SH3TC1: variants seen among roughly 807,000 people sequenced by gnomAD.
SH3TC1 encodes SH3 domain and tetratricopeptide repeat-containing protein 1.
Under a neutral mutation model 117.3 loss-of-function variants are expected in SH3TC1, and 135 were observed. The observed-to-expected ratio is 1.15, with a 90% CI of 1.00 to 1.33. SH3TC1 has a LOEUF of 1.33. Among genes scored for constraint, SH3TC1 ranks in the 40% most tolerant of loss-of-function variants. SH3TC1 has a pLI of 0.00. For missense variants in SH3TC1, 2,092 were observed against 1,794.3 expected (o/e 1.17, Z -3.00); for synonymous variants, 898 against 816.9 (o/e 1.10, Z -1.69).
At chr4:8,198,800 C>G (rs1717647169), upstream of SH3TC1, among the ~76,000 whole-genome samples, 1 of 152,230 alleles carries the variant, frequency 6.6e-6, no homozygotes, top group South Asian at 2.1e-4. Flanking sequence ...GAAGAAATTG[C>G]ACGTGAGCGT....
At chr4:8,231,703 A>C in intron 12 of SH3TC1, 1 of 486,304 alleles carries the variant, frequency 2.1e-6, no homozygotes. Context: ...GGTCCTGGCC[A>C]GAGGGGCTTT....
At chr4:8,208,109 C>T (rs1718352683) in intron 2 of SH3TC1, among the ~76,000 whole-genome samples, 1 of 152,234 alleles carries the variant, frequency 6.6e-6, no homozygotes, top group Non-Finnish European at 1.5e-5. Context: ...CAACCCTCAT[C>T]CAACCCTTCC....
intron 1 of SH3TC1, among the ~76,000 whole-genome samples, chr4:8,185,348 A>G (rs1717190060): frequency 6.6e-6 from 1 of 152,020 alleles, no homozygotes; most frequent in African/African-American, 2.4e-5. Context: ...AAAAAAACAA[A>G]AAAAGCGCAC....
rs193225480 is a variant in SH3TC1, at chr4:8,219,746, G to A, written c.1112+216G>A. Among the ~76,000 whole-genome samples the A allele has an allele frequency of 2.3e-4, 35 of 152,332 alleles. No individual in the cohort carries two copies. The East Asian group carries it at 2.3e-3, about 10-fold the overall frequency. ...TTCTCCGGGCTGCTGCAGGGAGAGC[G>A]TTCCCTCGAATGCACACCTGCCCAT... On this transcript the variant is annotated intron_variant, in intron 9 of 17. Transcript: ENST00000245105.
intron 2 of SH3TC1, among the ~76,000 whole-genome samples, chr4:8,208,560 G>T (rs1296721385): frequency 6.6e-6 from 1 of 152,044 alleles, no homozygotes; most frequent in African/African-American, 2.4e-5. Flanking sequence ...TAAAGATGGG[G>T]TTTACCATGT....
rs773983242 is a variant in SH3TC1, at chr4:8,212,745, C to A, written c.292C>A (p.Arg98=). 4 of 1,612,682 alleles carry A rather than the reference C, an allele frequency of 2.5e-6. No homozygotes were observed. In the Admixed American group the frequency reaches 6.7e-5, roughly 27 times the overall value. The change falls in exon 4 of 18, where the codon CGG becomes AGG. Residue 98 remains arginine (R), a synonymous_variant. Coordinates refer to ENST00000245105, the MANE Select transcript of SH3TC1 (RefSeq NM_018986.5). The stretch of plus-strand genomic sequence containing the variant: ...GGCTGTGCGGAGGAAGAGCAGACTG[C>A]GGGACCCCGGCCTACAGCAGACCCT... ...LLAVRRKSRL[R]DPGLQQTLRG...
chr4:8,198,604 C>T (rs1165833194), upstream of SH3TC1, among the ~76,000 whole-genome samples: 1 of 152,240 alleles, frequency 6.6e-6, no homozygotes, highest in Non-Finnish European at 1.5e-5. Context: ...GTCTGCCTGG[C>T]TGGGAAGGTT....
chr4:8,212,451 G>C (rs555739809), intron 3 of SH3TC1, among the ~76,000 whole-genome samples: 196 of 152,306 alleles, frequency 1.3e-3, no homozygotes, highest in African/African-American at 4.5e-3. Flanking sequence ...GAGTCCACTT[G>C]TCCCCACCAC....
At chr4:8,216,522 C>T (rs1213081795) in intron 6 of SH3TC1, among the ~76,000 whole-genome samples, 6 of 152,172 alleles carry the variant, frequency 3.9e-5, no homozygotes, top group South Asian at 2.1e-4. Flanking sequence ...GTCCCCAGCT[C>T]GTGTCTCTGA....
At chr4:8,193,054 C>G (rs572903300) in intron 1 of SH3TC1, among the ~76,000 whole-genome samples, 3 of 152,248 alleles carry the variant, frequency 2.0e-5, no homozygotes, top group Non-Finnish European at 4.4e-5. Context: ...TATGGCCACA[C>G]CTGTTCACTT....
At position 8,213,663 on chromosome 4, in the gene SH3TC1, C is replaced by T. The variant is rs189817788; in HGVS notation, c.376-812C>T. On this transcript the variant is annotated intron_variant, in intron 4 of 17. Transcript: ENST00000245105. ...CTGTAATCCTAGCACTTTGGGCGAA[C>T]GACGAAGAAGGATCACTTGAGCCCA... Among the ~76,000 whole-genome samples the T allele has an allele frequency of 6.0e-4, 91 of 152,126 alleles. No individual in the cohort carries two copies. In the East Asian group the frequency reaches 0.013, roughly 22 times the overall value.
Position 8,235,508 on chromosome 4 carries a change from T to G in SH3TC1, c.3358T>G (p.Phe1120Val). Residue 1120 changes from phenylalanine to valine, a missense_variant, in exon 15 of 18, where the codon TTC (phenylalanine) becomes GTC (valine). By Grantham distance (50) the Phe-to-Val change is conservative. Transcript: ENST00000245105. ...GCTGTTTGAGGCGGCTGGAGACATC[T>G]TCTTCGACGGGGCCTGGGAGCGGGA... ...LELFEAAGDI[F>V]FDGAWEREKA... The G allele has an allele frequency of 6.2e-7, 1 of 1,607,030 alleles. No homozygotes were observed. Among genetic ancestry groups the G allele is most frequent in the South Asian group, 1.1e-5 (1 of 90,018 alleles).
rs141736177 is a variant in SH3TC1, at chr4:8,213,960, C to T, written c.376-515C>T. 4.9e-4 allele frequency among the ~76,000 whole-genome samples: 75 copies of T among 152,094 alleles called. 2 individuals carry two copies. In the East Asian group the frequency reaches 9.3e-3, roughly 19 times the overall value. On this transcript the variant is annotated intron_variant, in intron 4 of 17. Coordinates refer to ENST00000245105, the MANE Select transcript of SH3TC1 (RefSeq NM_018986.5). ...AAATGGAGACTCTAATAGTACCCCC[C>T]GACACACACTTCCCGAGTCGGAAGA...
At position 8,231,877 on chromosome 4, in the gene SH3TC1, A is replaced by T. The variant is rs188125132; in HGVS notation, c.2951-99A>T. The T allele has an allele frequency of 1.1e-3, 1,524 of 1,364,430 alleles. 3 individuals carry two copies. Among genetic ancestry groups the T allele is most frequent in the Non-Finnish European group, 1.4e-3 (1,413 of 991,008 alleles). The allele number at this position is 1,364,430 out of a possible 1,614,324, so 84.5% of individuals were successfully genotyped here. ...CCGCCTGTGGGGCCCAGGCTCACAGAGGTGTGAAAGAGGCAAGCACACCGC... is the reference window on the plus strand; with the variant it reads ...CCGCCTGTGGGGCCCAGGCTCACAGTGGTGTGAAAGAGGCAAGCACACCGC... On this transcript the variant is annotated intron_variant, in intron 12 of 17. Transcript: ENST00000245105.
intron 1 of SH3TC1, among the ~76,000 whole-genome samples, chr4:8,203,277 CGTGTGTGTGT>C (rs112785929): frequency 1.3e-5 from 2 of 150,066 alleles, no homozygotes; most frequent in African/African-American, 2.4e-5. Flanking sequence ...TGTGCGGGTG[CGTGTGTGTGT>C]GTGTGTGTGT....
rs1399336307 is a variant in SH3TC1, at chr4:8,240,954, G to A, written c.4010G>A (p.Ter1337=). ...APWLAPSHPR[*] The stretch of plus-strand genomic sequence containing the variant: ...TGGTTGGCCCCCAGCCACCCTCGCT[G>A]AGGACAGCATCCAAGGGAGTGGGTT... Residue 1337 remains the stop codon, a stop_retained_variant, in exon 18 of 18, where the codon TGA becomes TAA. Coordinates refer to ENST00000245105, the MANE Select transcript of SH3TC1 (RefSeq NM_018986.5). The A allele has an allele frequency of 2.5e-6, 4 of 1,609,026 alleles. No homozygotes were observed. Among genetic ancestry groups the A allele is most frequent in the Admixed American group, 1.7e-5 (1 of 60,026 alleles).
chr4:8,219,753 C>G (rs1284846510), intron 9 of SH3TC1, among the ~76,000 whole-genome samples: 1 of 152,224 alleles, frequency 6.6e-6, no homozygotes, highest in African/African-American at 2.4e-5. Context: ...AGCGTTCCCT[C>G]GAATGCACAC....
Position 8,206,308 on chromosome 4 carries a change from G to A in SH3TC1, c.172+942G>A, listed in dbSNP as rs1249328819. ...GCCTGGGCAGGAAGGGCGGCTCAGA[G>A]GTTTGGGGTGGGGCCTGGGCCTGGG... On this transcript the variant is annotated intron_variant, in intron 2 of 17. Transcript: ENST00000245105. This position sits in a 1 kb window ranked among gnomAD's most constrained non-coding sequence, Gnocchi z 5.5. Among the ~76,000 whole-genome samples, 4 of 152,050 alleles carry A rather than the reference G, an allele frequency of 2.6e-5. No individual in the cohort carries two copies. Among genetic ancestry groups the A allele is most frequent in the African/African-American group, 9.7e-5 (4 of 41,396 alleles).
rs2677605 is a variant in SH3TC1 at position 8,205,356 on chromosome 4, A to T, written c.162A>T (p.Pro54=). 995 of 1,547,252 alleles carry T rather than the reference A, an allele frequency of 6.4e-4. 10 individuals carry two copies. The African/African-American group carries it at 0.012, about 19-fold the overall frequency. Residue 54 remains proline (P), a synonymous_variant, in exon 2 of 18, where the codon CCA becomes CCT. Transcript: ENST00000245105. This position sits in a 1 kb window ranked among gnomAD's most constrained non-coding sequence, Gnocchi z 5.4. The part of the protein sequence containing the change: ...EKAGPEEAKA[P]VRGDEAPPAR... ...CGGGGCCCGAGGAGGCCAAGGCGCC[A>T]GTGAGAGGCGGTGAGTTCATTCCAC...
Sources: allele counts gnomAD v4.1 joint callset (sites outside exome capture counted in the v4.1 genomes callset), GRCh38; gene constraint gnomAD v4.1.1; non-coding constraint Gnocchi (gnomAD v3.1); transcripts MANE v1.5; gene names NCBI Gene and HGNC (gene_info 2026-07-23, HGNC 2026-07-21).